The following TUBB8B variants were observed in gnomAD, a reference collection of about 807,000 sequenced individuals.
TUBB8B encodes the protein HSA18p11 beta-tubulin 4Q pseudogene.
TUBB8B carries 26 observed loss-of-function variants against 31.9 expected under a neutral mutation model. The observed-to-expected ratio is 0.81, with a 90% CI of 0.60 to 1.13. The LOEUF is 1.13. TUBB8B is among the 50% of genes most tolerant of loss of function. The pLI, the probability that TUBB8B is intolerant of heterozygous loss-of-function variation, is 0.00. For synonymous variants in TUBB8B, 173 were observed against 231.0 expected, an observed-to-expected ratio of 0.75 and a Z score of 2.28; for missense variants, 467 against 586.7, an observed-to-expected ratio of 0.80 and a Z score of 2.11.
chr18:72,177 C>CAAAAAAAAAAAAAAAAAAAAAAAAAAAAA, the TUBB8B span, among the ~76,000 whole-genome samples: 1 of 78,768 alleles, frequency 1.3e-5, no homozygotes, highest in Non-Finnish European at 2.9e-5. Context: ...GACTCCATCT[C>CAAAAAAAAAAAAAAAAAAAAAAAAAAAAA]AAAAAAAAAA....
At chr18:72,196 A>AAAAAAAAAAAAAAACAAC in the TUBB8B span, among the ~76,000 whole-genome samples, 11 of 84,530 alleles carry the variant, frequency 1.3e-4, no homozygotes, top group African/African-American at 3.1e-4. Context: ...AAAAAAAAAA[A>AAAAAAAAAAAAAAACAAC]AAAGGAAAAA....
At chr18:53,306 T>C (rs950529121), upstream of TUBB8B, among the ~76,000 whole-genome samples, 2 of 151,904 alleles carry the variant, frequency 1.3e-5, no homozygotes, top group Admixed American at 1.3e-4. Flanking sequence ...TTTGATGGCA[T>C]TTGGTATGTT....
upstream of TUBB8B, among the ~76,000 whole-genome samples, chr18:51,467 T>G (rs1428685877): frequency 6.6e-6 from 1 of 151,802 alleles, no homozygotes; most frequent in Non-Finnish European, 1.5e-5. Context: ...TGAGACAGAG[T>G]CTTGCTCTGT....
chr18:50,135 C>T (rs1398016464), upstream of TUBB8B: 2 of 343,032 alleles, frequency 5.8e-6, no homozygotes, highest in Admixed American at 4.0e-5. Flanking sequence ...TAGGATTAGC[C>T]CTTTCACCTT....
chr18:64,513 C>T, the TUBB8B span, among the ~76,000 whole-genome samples: 2 of 152,060 alleles, frequency 1.3e-5, no homozygotes, highest in South Asian at 2.1e-4. Context: ...CACTTGAGGC[C>T]AGAAGCTTGA....
At chr18:63,111 T>C in the TUBB8B span, among the ~76,000 whole-genome samples, 1 of 151,772 alleles carries the variant, frequency 6.6e-6, no homozygotes, top group African/African-American at 2.4e-5. Context: ...CATATCTCTA[T>C]TTTTCCAGGA....
chr18:59,460 A>G, the TUBB8B span, among the ~76,000 whole-genome samples: 1 of 151,580 alleles, frequency 6.6e-6, no homozygotes. Context: ...ACCAGTTTTC[A>G]AAGGGTTTAT....
the TUBB8B span, among the ~76,000 whole-genome samples, chr18:72,169 C>T: frequency 2.3e-5 from 1 of 42,820 alleles, no homozygotes; most frequent in Non-Finnish European, 4.5e-5. Flanking sequence ...CAGAGCGAGA[C>T]TCCATCTCAA....
the TUBB8B span, among the ~76,000 whole-genome samples, chr18:55,661 T>G: frequency 6.6e-6 from 1 of 151,788 alleles, no homozygotes; most frequent in Admixed American, 6.6e-5. Flanking sequence ...AGTCTCTCCC[T>G]CAATACCTGG....
chr18:72,214 GAA>G, the TUBB8B span, among the ~76,000 whole-genome samples: 23 of 97,178 alleles, frequency 2.4e-4, no homozygotes, highest in African/African-American at 8.5e-4. Context: ...AAAAAGATAA[GAA>G]AAGACACCAC....
chr18:65,938 A>G, the TUBB8B span, among the ~76,000 whole-genome samples: 1 of 152,146 alleles, frequency 6.6e-6, no homozygotes, highest in Non-Finnish European at 1.5e-5. Context: ...AATTATGAAA[A>G]CCATTCCAGA....
the TUBB8B span, among the ~76,000 whole-genome samples, chr18:57,774 T>C: frequency 1.3e-5 from 2 of 152,082 alleles, no homozygotes; most frequent in East Asian, 3.9e-4. Context: ...GCTCCACCCC[T>C]GCAGCATGCT....
chr18:60,251 T>G, the TUBB8B span, among the ~76,000 whole-genome samples: 1 of 151,834 alleles, frequency 6.6e-6, no homozygotes, highest in East Asian at 1.9e-4. Context: ...CCTCTAGGTT[T>G]TCTAATTTGT....
At chr18:61,867 G>A in the TUBB8B span, among the ~76,000 whole-genome samples, 1 of 151,506 alleles carries the variant, frequency 6.6e-6, no homozygotes, top group African/African-American at 2.4e-5. Flanking sequence ...TTCTATTTGA[G>A]ATTTTTGCAC....
At chr18:63,557 G>A in the TUBB8B span, among the ~76,000 whole-genome samples, 1 of 151,264 alleles carries the variant, frequency 6.6e-6, no homozygotes, top group Non-Finnish European at 1.5e-5. Context: ...CATAGAACTT[G>A]GTCTCACCCA....
the TUBB8B span, among the ~76,000 whole-genome samples, chr18:64,096 C>A: frequency 6.6e-6 from 1 of 152,014 alleles, no homozygotes; most frequent in South Asian, 2.1e-4. Flanking sequence ...CTAACCCTCA[C>A]CCTCACCCTA....
At chr18:63,810 C>G in the TUBB8B span, among the ~76,000 whole-genome samples, 1 of 146,434 alleles carries the variant, frequency 6.8e-6, no homozygotes, top group Non-Finnish European at 1.5e-5. Context: ...CTAACCCTAA[C>G]CCCTAACCCT....
At chr18:71,249 A>G in the TUBB8B span, among the ~76,000 whole-genome samples, 42 of 151,708 alleles carry the variant, frequency 2.8e-4, no homozygotes, top group Admixed American at 2.7e-3. Context: ...AAAAAAATCA[A>G]TCAATAAAGA....
At chr18:48,648 G>A in intron 3 of TUBB8B, 7 of 668,164 alleles carry the variant, frequency 1.0e-5, no homozygotes, top group Non-Finnish European at 1.4e-5. Context: ...TCAAACCTGA[G>A]ACGGGTTCAC....
Sources: allele counts gnomAD v4.1 joint callset (sites outside exome capture counted in the v4.1 genomes callset), GRCh38; gene constraint gnomAD v4.1.1; transcripts MANE v1.5; gene names NCBI Gene and HGNC (gene_info 2026-07-23, HGNC 2026-07-21).